FGD4: variants seen among roughly 807,000 people sequenced by gnomAD.
FGD4 encodes the protein FYVE, RhoGEF and PH domain containing 4, also known as FYVE, RhoGEF and PH domain-containing protein 4.
A neutral mutation model predicts 102.0 loss-of-function variants in FGD4; 42 were observed. The observed-to-expected ratio is 0.41, with a 90% confidence interval of 0.32 to 0.53. FGD4 has a LOEUF of 0.53. Among genes scored for constraint, FGD4 ranks in the 20% least tolerant of loss-of-function variants. The probability of loss-of-function intolerance (pLI) is 0.21; values close to 1 mark genes in which losing one functional copy is unlikely to be tolerated. For synonymous variants in FGD4, 380 were observed against 375.7 expected (o/e 1.01, Z -0.13); for missense variants, 902 against 1,078.2 (o/e 0.84, Z 2.29).
intron 2 of FGD4, chr12:32,574,940 TAC>T (rs1946007589): frequency 6.6e-6 from 1 of 152,240 alleles, no homozygotes; most frequent in South Asian, 2.1e-4. Context: ...TTAAAAATAC[TAC>T]ATGTTATATA....
At chr12:32,636,873 CTT>C (rs1423444464) in intron 15 of FGD4, among the ~76,000 whole-genome samples, 3 of 136,064 alleles carry the variant, frequency 2.2e-5, no homozygotes, top group Admixed American at 7.4e-5. Flanking sequence ...TATTTTTTTT[CTT>C]TTTTTTTTTT....
chr12:32,477,592 A>T (rs993565454), intron 1 of FGD4: 6 of 152,082 alleles, frequency 3.9e-5, no homozygotes, highest in African/African-American at 1.5e-4. Flanking sequence ...TGTGACAGGA[A>T]AGTGTGAATG....
chr12:32,633,812 T>A (rs144028061), intron 15 of FGD4, 123 bp downstream of exon 15: 1 of 882,228 alleles, frequency 1.1e-6, no homozygotes. Flanking sequence ...GCCTCCCAAG[T>A]TGCTGGAATT....
At chr12:32,557,786 A>C (rs1233161261) in intron 1 of FGD4, among the ~76,000 whole-genome samples, 1 of 152,290 alleles carries the variant, frequency 6.6e-6, no homozygotes, top group East Asian at 1.9e-4. Context: ...TTATAACCTT[A>C]ATGTCTTTTT....
intron 1 of FGD4, among the ~76,000 whole-genome samples, chr12:32,530,103 CATTTCCATGG>C (rs1386936004): frequency 1.3e-5 from 2 of 152,076 alleles, no homozygotes; most frequent in Non-Finnish European, 2.9e-5. Context: ...GATTTCAGAT[CATTTCCATGG>C]AAAATGGTAA....
Position 32,640,685 on chromosome 12 carries a change from C to T in FGD4, c.*152C>T, listed in dbSNP as rs1951118146. Reference sequence around the variant, plus strand: ...GACTATTTTCCTATGTTTATGTACTCTTAGTGAAATTAGTGTGCAGAGTCA... The same window carrying T: ...GACTATTTTCCTATGTTTATGTACTTTTAGTGAAATTAGTGTGCAGAGTCA... On this transcript the variant is annotated 3_prime_UTR_variant, in exon 17 of 17. Coordinates refer to ENST00000534526, the MANE Select transcript of FGD4 (RefSeq NM_001370298.3). The T allele has an allele frequency of 1.9e-6, 2 of 1,067,788 alleles. No individual in the cohort carries two copies. Among genetic ancestry groups the T allele is most frequent in the South Asian group, 1.5e-5 (1 of 68,714 alleles). 66.1% of individuals were successfully genotyped at this position (1,067,788 alleles called of 1,614,324 possible).
At chr12:32,439,717 T>C (rs1274727924) in intron 1 of FGD4, among the ~76,000 whole-genome samples, 2 of 152,204 alleles carry the variant, frequency 1.3e-5, no homozygotes, top group African/African-American at 4.8e-5. Flanking sequence ...TCTTTCTCCA[T>C]GTTTGAGACA....
intron 1 of FGD4, among the ~76,000 whole-genome samples, chr12:32,443,538 T>G (rs1032050578): frequency 1.2e-4 from 17 of 147,336 alleles, no homozygotes; most frequent in African/African-American, 4.2e-4. Context: ...TTTTAGGTTT[T>G]TTTTTTTTTT....
chr12:32,466,386 C>G (rs1943252589), intron 1 of FGD4, among the ~76,000 whole-genome samples: 1 of 151,928 alleles, frequency 6.6e-6, no homozygotes, highest in Non-Finnish European at 1.5e-5. Context: ...CCAGGACAGC[C>G]AATGATGCAA....
intron 1 of FGD4, among the ~76,000 whole-genome samples, chr12:32,457,359 A>G (rs1942975522): frequency 6.6e-6 from 1 of 152,178 alleles, no homozygotes; most frequent in African/African-American, 2.4e-5. Context: ...AACACTTGAA[A>G]TAATAATGCC....
intron 5 of FGD4, among the ~76,000 whole-genome samples, chr12:32,599,906 A>G (rs914656494): frequency 1.3e-5 from 2 of 152,100 alleles, no homozygotes; most frequent in African/African-American, 4.8e-5. Context: ...TAGATTGCCC[A>G]TATAGCCTCC....
At chr12:32,440,036 T>G (rs756841689) in intron 1 of FGD4, among the ~76,000 whole-genome samples, 1 of 134,174 alleles carries the variant, frequency 7.5e-6, no homozygotes, top group Non-Finnish European at 1.6e-5. Flanking sequence ...CAGATAGAAT[T>G]ATCAATTCCT....
chr12:32,430,115 C>T (rs1941999436), intron 1 of FGD4, among the ~76,000 whole-genome samples: 1 of 152,134 alleles, frequency 6.6e-6, no homozygotes, highest in Non-Finnish European at 1.5e-5. Context: ...TGGGACTAGC[C>T]TGGCCAACAT....
chr12:32,468,737 G>A (rs1348672087), intron 1 of FGD4, among the ~76,000 whole-genome samples: 2 of 152,126 alleles, frequency 1.3e-5, no homozygotes, highest in East Asian at 3.8e-4. Flanking sequence ...ATGAGACCCT[G>A]TCAAAGGAAG....
At chr12:32,605,868 G>A (rs898845415) in intron 7 of FGD4, among the ~76,000 whole-genome samples, 3 of 152,156 alleles carry the variant, frequency 2.0e-5, no homozygotes, top group Non-Finnish European at 4.4e-5. Context: ...TGCATAGTAA[G>A]TGCTCACTAA....
chr12:32,564,026 A>T (rs71618037), intron 1 of FGD4, 111 bp from the exon 2 acceptor site: 2 of 773,748 alleles, frequency 2.6e-6, no homozygotes, highest in Non-Finnish European at 3.5e-6. Context: ...GGAGAGGGAG[A>T]GGGAGGGGGA....
chr12:32,582,467 G>A lies in FGD4; in HGVS notation c.1011G>A (p.Lys337=), dbSNP rs1323079746. The change falls in exon 4 of 17, where the codon AAG becomes AAA. Residue 337 remains lysine (K), a splice_region_variant and synonymous_variant. Transcript: ENST00000534526. ...LEQLDQHHEM[K]ETNEQKLHKI... is the part of the protein sequence containing the mutation. ...AGCTGGACCAGCACCATGAGATGAA[G>A]GTAGAGCATGAGACTAGCTCATGAG... 1 of 1,608,952 alleles carries A rather than the reference G, an allele frequency of 6.2e-7. No individual in the cohort carries two copies.
At chr12:32,557,013 C>T (rs892288519) in intron 1 of FGD4, 1 of 152,128 alleles carries the variant, frequency 6.6e-6, no homozygotes, top group African/African-American at 2.4e-5. Flanking sequence ...CCATCATGAC[C>T]AGCTACTTTT....
chr12:32,524,418 A>G (rs1027837292), intron 1 of FGD4, among the ~76,000 whole-genome samples: 2 of 140,030 alleles, frequency 1.4e-5, no homozygotes, highest in African/African-American at 5.1e-5. Flanking sequence ...AAAAAAAAAG[A>G]TAAATTACCT....
Sources: gnomAD v4.1 joint callset for allele counts (sites outside exome capture counted in the v4.1 genomes callset) on GRCh38, gnomAD v4.1.1 for gene constraint, MANE v1.5 for transcripts, NCBI Gene and HGNC (gene_info 2026-07-23, HGNC 2026-07-21) for gene names.